The following STAG1 variants were observed in gnomAD, a reference collection of about 807,000 sequenced individuals.
The protein encoded by STAG1 is STAG1 cohesin complex component.
STAG1 carries 26 observed loss-of-function variants against 170.9 expected under a neutral mutation model. The observed-to-expected ratio is 0.15, with a 90% CI of 0.11 to 0.21. The LOEUF is 0.21. Among genes scored for constraint, STAG1 ranks in the 10% least tolerant of loss-of-function variants. The pLI is 1.00. For synonymous variants in STAG1, 514 were observed against 497.7 expected, an observed-to-expected ratio of 1.03 and a Z score of -0.44; for missense variants, 964 against 1,509.5, an observed-to-expected ratio of 0.64 and a Z score of 5.99.
intron 32 of STAG1, among the ~76,000 whole-genome samples, chr3:136,339,381 G>C (rs762889332): frequency 6.6e-6 from 1 of 152,130 alleles, no homozygotes; most frequent in Non-Finnish European, 1.5e-5. Flanking sequence ...AAATTAACTG[G>C]GTATGGTGGC....
At chr3:136,523,837 T>C (rs1484989930) in intron 6 of STAG1, among the ~76,000 whole-genome samples, 1 of 152,208 alleles carries the variant, frequency 6.6e-6, no homozygotes, top group East Asian at 1.9e-4. Context: ...CCCAGCACCA[T>C]TCATTAAATA....
chr3:136,684,340 TC>T (rs1300590789), intron 1 of STAG1, among the ~76,000 whole-genome samples: 1 of 151,974 alleles, frequency 6.6e-6, no homozygotes, highest in African/African-American at 2.4e-5. Flanking sequence ...GACAAATAGA[TC>T]AACAGAAGAG....
intron 13 of STAG1, among the ~76,000 whole-genome samples, chr3:136,454,872 T>C (rs894973105): frequency 3.9e-5 from 6 of 152,180 alleles, no homozygotes; most frequent in African/African-American, 1.2e-4. Context: ...ACTATACGTG[T>C]GTGGATGTGT....
At chr3:136,414,706 A>G (rs943430425) in intron 21 of STAG1, among the ~76,000 whole-genome samples, 1 of 152,208 alleles carries the variant, frequency 6.6e-6, no homozygotes, top group African/African-American at 2.4e-5. Context: ...ATGCATCAAC[A>G]GAGTCACTTT....
chr3:136,486,417 T>G (rs2090013829), intron 9 of STAG1, among the ~76,000 whole-genome samples: 1 of 152,176 alleles, frequency 6.6e-6, no homozygotes, highest in African/African-American at 2.4e-5. Context: ...AAGCTAACAG[T>G]AGCAAAAATA....
At chr3:136,674,958 G>A (rs1006079184) in intron 1 of STAG1, among the ~76,000 whole-genome samples, 12 of 152,014 alleles carry the variant, frequency 7.9e-5, no homozygotes, top group Non-Finnish European at 1.8e-4. Context: ...GGGTTGGGGG[G>A]AGCCGGAAAC....
At chr3:136,380,896 T>C (rs1160021363) in intron 22 of STAG1, among the ~76,000 whole-genome samples, 1 of 151,706 alleles carries the variant, frequency 6.6e-6, no homozygotes, top group Non-Finnish European at 1.5e-5. Context: ...GGTGGGTGCC[T>C]GTAATCCCAA....
intron 1 of STAG1, among the ~76,000 whole-genome samples, chr3:136,631,868 AAG>A (rs1940344274): frequency 6.6e-6 from 1 of 152,210 alleles, no homozygotes; most frequent in Non-Finnish European, 1.5e-5. Context: ...TAAATATTTG[AAG>A]AGATATAATG....
intron 1 of STAG1, among the ~76,000 whole-genome samples, chr3:136,701,974 T>C (rs1022625908): frequency 6.6e-6 from 1 of 151,846 alleles, no homozygotes; most frequent in Non-Finnish European, 1.5e-5. Flanking sequence ...TTTTTTTTTT[T>C]TGAGGTAAGC....
chr3:136,541,030 T>C (rs1178956309), intron 6 of STAG1, among the ~76,000 whole-genome samples: 1 of 152,030 alleles, frequency 6.6e-6, no homozygotes, highest in African/African-American at 2.4e-5. Flanking sequence ...CTGTTAATTT[T>C]CTTTAAACTA....
In STAG1 at chr3:136,634,891, C is replaced by T. The variant is rs1035268090; in HGVS notation, c.-83-3910G>A. On this transcript the variant is annotated intron_variant, in intron 1 of 33. Transcript: ENST00000383202. The stretch of plus-strand genomic sequence containing the variant: ...CAACATATGTCCACAAATTTAGTAA[C>T]ATATTAAATGGACAAATTCCTAGAA... Among the ~76,000 whole-genome samples, 8 of 152,010 alleles carry T rather than the reference C, an allele frequency of 5.3e-5. No individual in the cohort carries two copies. The South Asian group carries it at 6.2e-4, about 12-fold the overall frequency.
chr3:136,422,132 T>C lies in STAG1; in HGVS notation c.2037+278A>G, dbSNP rs563759678. On this transcript the variant is annotated intron_variant, in intron 19 of 33. Transcript: ENST00000383202. The stretch of plus-strand genomic sequence containing the variant: ...TCGTGCCACTGCACTCTAGCCTGGG[T>C]GACAAAGCAAGACTCTGCCTCAAAA... Among the ~76,000 whole-genome samples the C allele has an allele frequency of 8.8e-5, 12 of 135,602 alleles. No individual in the cohort carries two copies. In the East Asian group the frequency reaches 2.5e-3, roughly 28 times the overall value. 89.0% of individuals were successfully genotyped at this position (135,602 alleles called of 152,430 possible).
At chr3:136,469,089 C>T (rs373101743) in intron 12 of STAG1, among the ~76,000 whole-genome samples, 4 of 151,974 alleles carry the variant, frequency 2.6e-5, no homozygotes, top group Admixed American at 1.3e-4. Flanking sequence ...GACAGGGATG[C>T]CCTCTCTCAC....
At chr3:136,632,024 C>T (rs1940351036) in intron 1 of STAG1, among the ~76,000 whole-genome samples, 1 of 152,044 alleles carries the variant, frequency 6.6e-6, no homozygotes, top group South Asian at 2.1e-4. Flanking sequence ...AAATAGGATA[C>T]ATACATACAG....
chr3:136,504,895 CAGTAA>C (rs1458664338), intron 7 of STAG1, among the ~76,000 whole-genome samples: 5 of 152,086 alleles, frequency 3.3e-5, no homozygotes, highest in African/African-American at 1.2e-4. Context: ...GATACATAAA[CAGTAA>C]AGTAATCAAC....
chr3:136,513,999 C>T (rs1934214775), intron 7 of STAG1, among the ~76,000 whole-genome samples: 1 of 151,988 alleles, frequency 6.6e-6, no homozygotes, highest in South Asian at 2.1e-4. Context: ...TTCACAAGTA[C>T]ACATGACAAA....
intron 25 of STAG1, among the ~76,000 whole-genome samples, chr3:136,365,092 T>C (rs111845819): frequency 5.3e-5 from 8 of 152,300 alleles, no homozygotes; most frequent in East Asian, 1.9e-4. Flanking sequence ...GGTTAGAGCC[T>C]ATAGTGAATA....
intron 1 of STAG1, among the ~76,000 whole-genome samples, chr3:136,631,191 T>C (rs1014934345): frequency 6.6e-6 from 1 of 152,192 alleles, no homozygotes; most frequent in African/African-American, 2.4e-5. Flanking sequence ...AGTAAATGAA[T>C]AAATAAACTA....
At chr3:136,386,265 G>A (rs936455451) in intron 22 of STAG1, among the ~76,000 whole-genome samples, 2 of 152,188 alleles carry the variant, frequency 1.3e-5, no homozygotes, top group African/African-American at 4.8e-5. Flanking sequence ...CTTGAACCCA[G>A]GAGGCGGAGG....
Sources: allele counts gnomAD v4.1 joint callset (sites outside exome capture counted in the v4.1 genomes callset), GRCh38; gene constraint gnomAD v4.1.1; transcripts MANE v1.5; gene names NCBI Gene and HGNC (gene_info 2026-07-23, HGNC 2026-07-21).